The following ZC3H12B variants were observed in gnomAD, a reference collection of about 807,000 sequenced individuals.
ZC3H12B encodes the protein zinc finger CCCH-type containing 12B, also known as probable ribonuclease ZC3H12B.
ZC3H12B carries 7 observed loss-of-function variants against 43.9 expected under a neutral mutation model. The ratio of observed to expected loss-of-function variants is 0.16; its 90% confidence interval spans 0.09 to 0.30. ZC3H12B has a LOEUF of 0.30. Among genes scored for constraint, ZC3H12B ranks in the 10% least tolerant of loss-of-function variants. The pLI is 1.00. For synonymous variants in ZC3H12B, 222 were observed against 241.7 expected (o/e 0.92, Z 0.76); for missense variants, 475 against 670.2 (o/e 0.71, Z 3.22).
At chrX:65,405,652 A>G (rs975186850) in intron 3 of ZC3H12B, among the ~76,000 whole-genome samples, 1 of 111,798 alleles carries the variant, frequency 8.9e-6, no homozygotes, top group African/African-American at 3.3e-5. Context: ...TAAAGATTAA[A>G]ACAAATAAAT....
At chrX:65,285,574 G>A in the ZC3H12B span, among the ~76,000 whole-genome samples, 1 of 111,388 alleles carries the variant, frequency 9.0e-6, no homozygotes, top group African/African-American at 3.3e-5. Context: ...TATTCACAGT[G>A]CTGACAAAAA....
the ZC3H12B span, among the ~76,000 whole-genome samples, chrX:65,168,690 G>A: frequency 4.5e-5 from 5 of 110,980 alleles, no homozygotes; most frequent in East Asian, 1.4e-3. Context: ...TTGATTGGTA[G>A]GCTATTAATT....
chrX:65,238,429 G>A, the ZC3H12B span, among the ~76,000 whole-genome samples: 12 of 111,790 alleles, frequency 1.1e-4, no homozygotes, highest in African/African-American at 3.3e-4. Context: ...TTTCTGTGGA[G>A]TCAGTGGTGA....
chrX:65,193,301 C>T, the ZC3H12B span, among the ~76,000 whole-genome samples: 64 of 110,713 alleles, frequency 5.8e-4, 1 homozygote, highest in Admixed American at 4.2e-3. Context: ...GATGTTTTAT[C>T]TTGTCTTCGA....
the ZC3H12B span, among the ~76,000 whole-genome samples, chrX:65,306,682 A>T: frequency 6.3e-5 from 7 of 111,968 alleles, no homozygotes; most frequent in African/African-American, 2.3e-4. Context: ...GCTCAATCTT[A>T]AATATTTAAC....
the ZC3H12B span, among the ~76,000 whole-genome samples, chrX:65,062,241 A>G: frequency 8.9e-4 from 100 of 112,378 alleles, no homozygotes; most frequent in African/African-American, 3.0e-3. Flanking sequence ...GCCCATGGCT[A>G]TGACCTGAAT....
At chrX:65,178,511 C>A in the ZC3H12B span, among the ~76,000 whole-genome samples, 1 of 112,038 alleles carries the variant, frequency 8.9e-6, no homozygotes, top group Non-Finnish European at 1.9e-5. Flanking sequence ...TGCAATCTAT[C>A]CATCTGACAA....
chrX:65,314,928 CTAAAT>C, the ZC3H12B span, among the ~76,000 whole-genome samples: 3 of 110,672 alleles, frequency 2.7e-5, no homozygotes, highest in African/African-American at 9.8e-5. Context: ...AATATTAACT[CTAAAT>C]TAACTGTAAG....
At chrX:65,169,969 G>A in the ZC3H12B span, among the ~76,000 whole-genome samples, 1 of 111,608 alleles carries the variant, frequency 9.0e-6, no homozygotes, top group Non-Finnish European at 1.9e-5. Context: ...CATACTGATG[G>A]GTCTTGACTC....
the ZC3H12B span, among the ~76,000 whole-genome samples, chrX:65,229,964 G>A: frequency 8.9e-6 from 1 of 111,854 alleles, no homozygotes; most frequent in East Asian, 2.8e-4. Context: ...AACCATTGTG[G>A]AAGTCAGTGT....
the ZC3H12B span, among the ~76,000 whole-genome samples, chrX:65,169,584 A>G: frequency 9.0e-6 from 1 of 111,513 alleles, no homozygotes; most frequent in Non-Finnish European, 1.9e-5. Context: ...ATTCCTGGAT[A>G]TCCTTTTTAA....
the ZC3H12B span, among the ~76,000 whole-genome samples, chrX:65,189,752 G>T: frequency 9.0e-6 from 1 of 110,639 alleles, no homozygotes; most frequent in Admixed American, 9.7e-5. Flanking sequence ...TAAGTTGCCT[G>T]TTCACTCTGA....
At chrX:65,039,732 C>T in the ZC3H12B span, among the ~76,000 whole-genome samples, 3 of 111,918 alleles carry the variant, frequency 2.7e-5, no homozygotes, top group East Asian at 8.3e-4. Context: ...GGTGATTTGA[C>T]TGGAAGTGGT....
At chrX:65,370,492 G>A (rs1483486878) in intron 2 of ZC3H12B, among the ~76,000 whole-genome samples, 2 of 112,051 alleles carry the variant, frequency 1.8e-5, no homozygotes, top group Non-Finnish European at 3.8e-5. Flanking sequence ...CTATCATAAT[G>A]TGAGGAGAAA....
At chrX:65,357,726 C>T in the ZC3H12B span, among the ~76,000 whole-genome samples, 1 of 111,730 alleles carries the variant, frequency 9.0e-6, no homozygotes, top group African/African-American at 3.3e-5. Flanking sequence ...TGGTACCAGT[C>T]ACTGCAAAAA....
chrX:65,133,285 T>G, the ZC3H12B span, among the ~76,000 whole-genome samples: 1 of 111,013 alleles, frequency 9.0e-6, no homozygotes, highest in Non-Finnish European at 1.9e-5. Flanking sequence ...TGAGGCTAAT[T>G]AAGTCCTGTT....
chrX:65,061,948 G>A, the ZC3H12B span, among the ~76,000 whole-genome samples: 1 of 112,346 alleles, frequency 8.9e-6, no homozygotes, highest in African/African-American at 3.2e-5. Flanking sequence ...TATGTTTGTT[G>A]GCTGCATAAA....
chrX:65,286,669 G>A, the ZC3H12B span, among the ~76,000 whole-genome samples: 1 of 109,534 alleles, frequency 9.1e-6, no homozygotes, highest in African/African-American at 3.3e-5. Flanking sequence ...GAAAAATAAA[G>A]CATTTCCAAG....
the ZC3H12B span, among the ~76,000 whole-genome samples, chrX:65,163,154 G>T: frequency 5.4e-5 from 6 of 110,859 alleles, no homozygotes; most frequent in South Asian, 1.6e-3. Context: ...ATACCTGGGC[G>T]TGTGAGGTGT....
Sources: allele counts gnomAD v4.1 joint callset (sites outside exome capture counted in the v4.1 genomes callset), GRCh38; gene constraint gnomAD v4.1.1; transcripts MANE v1.5; gene names NCBI Gene and HGNC (gene_info 2026-07-23, HGNC 2026-07-21).